Variants in UTP25 observed in about 807,000 individuals in gnomAD.
UTP25 encodes the protein UTP25 small subunit processome component, also known as U3 small nucleolar RNA-associated protein 25 homolog.
Under a neutral mutation model 78.9 loss-of-function variants are expected in UTP25, and 50 were observed. The observed-to-expected ratio is 0.63, with a 90% CI of 0.50 to 0.80. The LOEUF is 0.80. Ranked by LOEUF, UTP25 falls within the 30% of genes least tolerant of loss-of-function variation. The probability of loss-of-function intolerance (pLI) is 0.00; values close to 1 mark genes in which losing one functional copy is unlikely to be tolerated. For missense variants in UTP25, 846 were observed against 911.3 expected, an observed-to-expected ratio of 0.93 and a Z score of 0.92; for synonymous variants, 329 against 336.5, an observed-to-expected ratio of 0.98 and a Z score of 0.24.
intron 4 of UTP25, among the ~76,000 whole-genome samples, chr1:209,834,612 G>C (rs1299835626): frequency 6.6e-6 from 1 of 152,190 alleles, no homozygotes; most frequent in Admixed American, 6.5e-5. Flanking sequence ...AACAAGGTGA[G>C]CCAACGTTGT....
intron 11 of UTP25, among the ~76,000 whole-genome samples, chr1:209,848,613 A>G (rs2078211201): frequency 6.6e-6 from 1 of 152,226 alleles, no homozygotes; most frequent in South Asian, 2.1e-4. Flanking sequence ...ACAGTTAAAA[A>G]TGTGTCATGC....
At chr1:209,834,647 T>C (rs1007751985) in intron 4 of UTP25, among the ~76,000 whole-genome samples, 1 of 152,226 alleles carries the variant, frequency 6.6e-6, no homozygotes, top group African/African-American at 2.4e-5. Flanking sequence ...GCCTGGGAAG[T>C]ATTTATTGTG....
rs1374427880 is a variant in UTP25 at position 209,855,347 on chromosome 1, A to G, written c.*3900A>G. On this transcript the variant is annotated 3_prime_UTR_variant, in exon 12 of 12. Transcript: ENST00000491415. ...GTGGGGAGTTGCCGCCTCCACTTGC[A>G]TTACATGTATTTCAGAGTAGGTCCT... 2 of 152,152 alleles carry G rather than the reference A, an allele frequency of 1.3e-5. No individual in the cohort carries two copies. The highest frequency in any genetic ancestry group is 2.9e-5 in the Non-Finnish European group (2 of 68,044). 9.4% of individuals were successfully genotyped at this position (152,152 alleles called of 1,614,324 possible).
chr1:209,847,107 T>A (rs1031448535), intron 11 of UTP25, among the ~76,000 whole-genome samples: 1 of 152,210 alleles, frequency 6.6e-6, no homozygotes, highest in Non-Finnish European at 1.5e-5. Flanking sequence ...TCCTTTGTCT[T>A]AGATGTTTTA....
Position 209,830,096 on chromosome 1 carries a change from G to A in UTP25, c.108-12G>A. 1 of 1,610,864 alleles carries A rather than the reference G, an allele frequency of 6.2e-7. No homozygotes were observed. Among genetic ancestry groups the A allele is most frequent in the South Asian group, 1.1e-5 (1 of 90,582 alleles). On this transcript the variant is annotated splice_polypyrimidine_tract_variant and intron_variant, in intron 1 of 11. Transcript: ENST00000491415. ...TAGTAGTTAGAATGTAACATTGCCTGTTTCTTTTTAGGGTTTCCAGAAAGG... is the reference window on the plus strand; with the variant it reads ...TAGTAGTTAGAATGTAACATTGCCTATTTCTTTTTAGGGTTTCCAGAAAGG...
intron 11 of UTP25, among the ~76,000 whole-genome samples, chr1:209,850,666 A>G (rs952912675): frequency 6.6e-5 from 10 of 152,216 alleles, no homozygotes; most frequent in African/African-American, 2.4e-4. Context: ...CTTTCTCATG[A>G]TGCCTAGTGG....
intron 11 of UTP25, chr1:209,844,120 A>G: frequency 5.8e-6 from 1 of 173,600 alleles, no homozygotes; most frequent in South Asian, 1.5e-4. Flanking sequence ...GGGGAGATGG[A>G]GGCTGAGTAC....
intron 5 of UTP25, among the ~76,000 whole-genome samples, chr1:209,836,558 C>T (rs1368980521): frequency 6.6e-6 from 1 of 152,194 alleles, no homozygotes; most frequent in East Asian, 1.9e-4. Flanking sequence ...AGTCAGAAAC[C>T]TTGGGGTCTA....
intron 8 of UTP25, 116 bp from the exon 9 acceptor site, chr1:209,842,149 T>C: frequency 2.8e-6 from 3 of 1,082,592 alleles, no homozygotes; most frequent in Non-Finnish European, 4.0e-6. Context: ...TCAGTTTTCT[T>C]GTTATAATTT....
Position 209,856,929 on chromosome 1 carries a change from A to T in UTP25, c.*5482A>T, listed in dbSNP as rs1003118187. 1.3e-5 allele frequency: 2 copies of T among 152,230 alleles called. No homozygotes were observed. Among genetic ancestry groups the T allele is most frequent in the South Asian group, 4.1e-4 (2 of 4,820 alleles). The allele number at this position is 152,230 out of a possible 1,614,324, so 9.4% of individuals were successfully genotyped here. On this transcript the variant is annotated 3_prime_UTR_variant, in exon 12 of 12. Coordinates refer to ENST00000491415, the MANE Select transcript of UTP25 (RefSeq NM_014388.7). ...AGAAAAATAATTAGCAAGAGAACAG[A>T]CTTCAGCTCTCTGAAGGCTGATGAC...
intron 2 of UTP25, 126 bp downstream of exon 2, chr1:209,830,273 G>T: frequency 1.2e-6 from 1 of 862,512 alleles, no homozygotes; most frequent in Non-Finnish European, 1.7e-6. Flanking sequence ...TATTTTGGCA[G>T]TATCACTTAA....
chr1:209,836,687 G>A, intron 5 of UTP25, 114 bp from the exon 6 acceptor site: 2 of 1,168,358 alleles, frequency 1.7e-6, no homozygotes, highest in Non-Finnish European at 2.4e-6. Flanking sequence ...GCTGTTGTGA[G>A]GATTAAATGA....
Position 209,857,094 on chromosome 1 carries a change from A to T in UTP25, c.*5647A>T, listed in dbSNP as rs2078282914. 6.6e-6 allele frequency: 1 copy of T among 152,172 alleles called. No individual in the cohort carries two copies. The allele number at this position is 152,172 out of a possible 1,614,324, so 9.4% of individuals were successfully genotyped here. A position where few individuals can be genotyped will look rare whatever the true frequency, so the allele number is the denominator to read the frequency against. On this transcript the variant is annotated 3_prime_UTR_variant, in exon 12 of 12. Transcript: ENST00000491415. Reference sequence around the variant, plus strand: ...TTGATCCGTGAATTACCTATAGGTCATCCCTAAGAGGTGGCCTCCAGCTTC... The same window carrying T: ...TTGATCCGTGAATTACCTATAGGTCTTCCCTAAGAGGTGGCCTCCAGCTTC...
intron 9 of UTP25, 44 bp from the exon 10 acceptor site, chr1:209,842,538 GA>G (rs760908652): frequency 2.7e-5 from 44 of 1,611,262 alleles, no homozygotes; most frequent in Non-Finnish European, 3.0e-5. Context: ...TTCTGGTCAA[GA>G]AGGGGATGGC....
rs1484660808 is a variant in UTP25 at position 209,851,326 on chromosome 1, G to A, written c.2150G>A (p.Cys717Tyr). ...TNRGEEATWT[C>Y]TVLYSKYDAQ... ...AGAGGAGAAGAGGCCACGTGGACCT[G>A]CACTGTTCTCTACTCCAAATATGAT... The change falls in exon 12 of 12, where the codon TGC (cysteine) becomes TAC (tyrosine). Residue 717 changes from cysteine to tyrosine, a missense_variant. Transcript: ENST00000491415. The A allele has an allele frequency of 6.2e-7, 1 of 1,614,200 alleles. No individual in the cohort carries two copies. Among genetic ancestry groups the A allele is most frequent in the South Asian group, 1.1e-5 (1 of 91,090 alleles).
At chr1:209,849,082 C>A (rs1286848685) in intron 11 of UTP25, among the ~76,000 whole-genome samples, 2 of 152,006 alleles carry the variant, frequency 1.3e-5, no homozygotes, top group Non-Finnish European at 2.9e-5. Context: ...CACACTCAGA[C>A]CCCTCCTCAC....
Position 209,854,340 on chromosome 1 carries a change from T to C in UTP25, c.*2893T>C, listed in dbSNP as rs777086043. On this transcript the variant is annotated 3_prime_UTR_variant, in exon 12 of 12. Coordinates refer to ENST00000491415, the MANE Select transcript of UTP25 (RefSeq NM_014388.7). ...TTTTCTTTTTGAGAGAGAAAAAGCT[T>C]TGAATCGTGGATGCTTCTCACAGCT... The C allele has an allele frequency of 8.5e-5, 13 of 152,204 alleles. No individual in the cohort carries two copies. Among genetic ancestry groups the C allele is most frequent in the Non-Finnish European group, 1.8e-4 (12 of 68,026 alleles). 9.4% of individuals were successfully genotyped at this position (152,204 alleles called of 1,614,324 possible).
rs145356500 is a variant in UTP25 at position 209,837,453 on chromosome 1, T to C, written c.1062+242T>C. Among the ~76,000 whole-genome samples, 385 of 152,298 alleles carry C rather than the reference T, an allele frequency of 2.5e-3. 2 individuals carry two copies. Among genetic ancestry groups the C allele is most frequent in the African/African-American group, 8.9e-3 (371 of 41,564 alleles). ...GAGAAGGAGGCACTTCATGACACTT[T>C]CCTTAAAGATAAACCCAGAGTATAT... On this transcript the variant is annotated intron_variant, in intron 6 of 11. Transcript: ENST00000491415.
intron 11 of UTP25, among the ~76,000 whole-genome samples, chr1:209,850,213 A>G (rs2078223144): frequency 6.6e-6 from 1 of 152,240 alleles, no homozygotes; most frequent in African/African-American, 2.4e-5. Context: ...AGTAGAACTC[A>G]GTGTTGTTTT....
Sources: gnomAD v4.1 joint callset for allele counts (sites outside exome capture counted in the v4.1 genomes callset) on GRCh38, gnomAD v4.1.1 for gene constraint, MANE v1.5 for transcripts, NCBI Gene and HGNC (gene_info 2026-07-23, HGNC 2026-07-21) for gene names.